Variants in EVC observed in about 807,000 individuals in gnomAD.
The protein encoded by EVC is evC complex member EVC.
EVC carries 116 observed loss-of-function variants against 118.9 expected under a neutral mutation model. That is an observed-to-expected ratio of 0.98 (90% CI 0.84 to 1.14). The LOEUF is 1.14. Among genes scored for constraint, EVC ranks in the 50% most tolerant of loss-of-function variants. The pLI, the probability that EVC is intolerant of heterozygous loss-of-function variation, is 0.00. For synonymous variants in EVC, 619 were observed against 534.7 expected (o/e 1.16, Z -2.18); for missense variants, 1,401 against 1,246.4 (o/e 1.12, Z -1.87).
At chr4:5,734,454 A>G (rs536760999) in intron 5 of EVC, among the ~76,000 whole-genome samples, 2 of 152,250 alleles carry the variant, frequency 1.3e-5, no homozygotes, top group African/African-American at 2.4e-5. Flanking sequence ...AGCCTGGGCA[A>G]CATGGCAAAA....
chr4:5,801,729 A>G (rs1439212530), intron 15 of EVC: 8 of 550,244 alleles, frequency 1.5e-5, no homozygotes, highest in Non-Finnish European at 2.6e-5. Context: ...TTTCCCTAAC[A>G]TCGCATTTCA....
At chr4:5,752,604 T>C in intron 8 of EVC, 1 of 606,184 alleles carries the variant, frequency 1.6e-6, no homozygotes, top group Non-Finnish European at 3.0e-6. Context: ...AGTGCCTACA[T>C]GCTAAGCTGC....
At position 5,749,370 on chromosome 4, in the gene EVC, T is replaced by C. The variant is rs1263267832; in HGVS notation, c.1098+1064T>C. Among the ~76,000 whole-genome samples, 1 of 149,010 alleles carries C rather than the reference T, an allele frequency of 6.7e-6. No homozygotes were observed. Among genetic ancestry groups the C allele is most frequent in the Non-Finnish European group, 1.5e-5 (1 of 67,596 alleles). On this transcript the variant is annotated intron_variant, in intron 8 of 20. Coordinates refer to ENST00000264956, the MANE Select transcript of EVC (RefSeq NM_153717.3). The surrounding 1 kb of genome is among the most constrained non-coding windows in gnomAD (Gnocchi z 4.4). ...AAAAAAAAAAAAAAAAGGTCCCTCC[T>C]TATTTTTGTGAAGCCTGCCAACCAC...
chr4:5,809,819 C>A (rs776950841), intron 19 of EVC, among the ~76,000 whole-genome samples: 4 of 152,168 alleles, frequency 2.6e-5, no homozygotes, highest in Non-Finnish European at 1.5e-5. Context: ...AATTCCAGTT[C>A]TTGGGTCTGG....
At position 5,733,410 on chromosome 4, in the gene EVC, C is replaced by T. The variant is rs201583621; in HGVS notation, c.677C>T (p.Thr226Met). ...LHLKDLLHLD[T>M]ALRQEKHMMF... The stretch of plus-strand genomic sequence containing the variant: ...TTAAAAGACCTGCTGCATTTGGACA[C>T]GGCACTGAGGCAGGAAAAGCATATG... The change falls in exon 5 of 21, where the codon ACG becomes ATG. Residue 226 changes from threonine to methionine, a missense_variant. Coordinates refer to ENST00000264956, the MANE Select transcript of EVC (RefSeq NM_153717.3). 51 of 1,614,002 alleles carry T rather than the reference C, an allele frequency of 3.2e-5. No individual in the cohort carries two copies. The highest frequency in any genetic ancestry group is 1.9e-4 in the South Asian group (17 of 91,070).
Position 5,756,490 on chromosome 4 carries a change from C to T in EVC, c.1563+128C>T. The T allele has an allele frequency of 1.3e-6, 1 of 766,734 alleles. No individual in the cohort carries two copies. The highest frequency in any genetic ancestry group is 2.2e-6 in the Non-Finnish European group (1 of 445,386). 47.5% of individuals were successfully genotyped at this position (766,734 alleles called of 1,614,324 possible). A position where few individuals can be genotyped will look rare whatever the true frequency, so the allele number is the denominator to read the frequency against. The stretch of plus-strand genomic sequence containing the variant: ...AACCCCGCACTCATTGGCCGGTGAT[C>T]CACGCAGGCTGTGTCCCCTCCATGC... On this transcript the variant is annotated intron_variant, in intron 11 of 20. Coordinates refer to ENST00000264956, the MANE Select transcript of EVC (RefSeq NM_153717.3). This position sits in a 1 kb window ranked among gnomAD's most constrained non-coding sequence, Gnocchi z 4.2.
At chr4:5,828,952 G>A in the EVC span, among the ~76,000 whole-genome samples, 1 of 152,124 alleles carries the variant, frequency 6.6e-6, no homozygotes, top group Non-Finnish European at 1.5e-5. Context: ...GTTATGCAAT[G>A]TGGCTGCTTT....
At chr4:5,784,022 G>A (rs574981157) in intron 12 of EVC, among the ~76,000 whole-genome samples, 2 of 152,284 alleles carry the variant, frequency 1.3e-5, no homozygotes, top group Non-Finnish European at 2.9e-5. Context: ...TCTTTAGAAC[G>A]AGAGAAATAA....
chr4:5,782,573 G>T, intron 11 of EVC, among the ~76,000 whole-genome samples: 1 of 142,766 alleles, frequency 7.0e-6, no homozygotes, highest in Non-Finnish European at 1.5e-5. Flanking sequence ...AAAAAGATGT[G>T]AGCGGTGGAT....
At chr4:5,825,384 C>G in the EVC span, 1 of 1,463,948 alleles carries the variant, frequency 6.8e-7, no homozygotes, top group Admixed American at 2.8e-5. This position sits in a 1 kb window ranked among gnomAD's most constrained non-coding sequence, Gnocchi z 4.4. Flanking sequence ...CCCTTCCCTG[C>G]TTCTTCATCT....
At position 5,743,760 on chromosome 4, in the gene EVC, G is replaced by A. The variant is rs916947932; in HGVS notation, c.802-1444G>A. 1.4e-4 allele frequency among the ~76,000 whole-genome samples: 22 copies of A among 152,308 alleles called. No homozygotes were observed. The highest frequency in any genetic ancestry group is 3.4e-3 in the Middle Eastern group (1 of 294). On this transcript the variant is annotated intron_variant, in intron 6 of 20. Coordinates refer to ENST00000264956, the MANE Select transcript of EVC (RefSeq NM_153717.3). This position sits in a 1 kb window ranked among gnomAD's most constrained non-coding sequence, Gnocchi z 4.7. Reference sequence around the variant, plus strand: ...TGGTCATGGTCCTCAGGCAGTGCACGTCGTGCTTGACATACATTATTTCAT... The same window carrying A: ...TGGTCATGGTCCTCAGGCAGTGCACATCGTGCTTGACATACATTATTTCAT...
rs1731266439 is a variant in EVC at position 5,756,903 on chromosome 4, G to C, written c.1563+541G>C. Among the ~76,000 whole-genome samples the C allele has an allele frequency of 6.6e-6, 1 of 152,178 alleles. No homozygotes were observed. ...AGTCACAGGATGCCATGCTGAGCCA[G>C]ACAGAGCCCCTGCCTCAGGCAGCAT... On this transcript the variant is annotated intron_variant, in intron 11 of 20. Transcript: ENST00000264956. This position sits in a 1 kb window ranked among gnomAD's most constrained non-coding sequence, Gnocchi z 4.2.
At chr4:5,727,440 G>A (rs1207133404) in intron 2 of EVC, among the ~76,000 whole-genome samples, 2 of 151,966 alleles carry the variant, frequency 1.3e-5, no homozygotes, top group Admixed American at 1.3e-4. Flanking sequence ...TCTTGTAAAT[G>A]TGTTTGAGTT....
At position 5,729,388 on chromosome 4, in the gene EVC, CG is replaced by C. The variant is rs1379331954; in HGVS notation, c.384+1del. On this transcript the variant is annotated frameshift_variant and splice_region_variant, in exon 3 of 21. Coordinates refer to ENST00000264956, the MANE Select transcript of EVC (RefSeq NM_153717.3). LOFTEE classifies it high-confidence loss of function. ...CATCTACCCCATCAATCAGAAGTTCCGGGTGAGAGTCCTGAGCTCCATCATA... is the reference window on the plus strand; with the variant it reads ...CATCTACCCCATCAATCAGAAGTTCCGGTGAGAGTCCTGAGCTCCATCATA... Reference protein sequence around the residue: ...KVIYPINQKFRPLADGSSNPS... With the variant: ...KVIYPINQKFXPLADGSSNPS... The C allele has an allele frequency of 6.2e-7, 1 of 1,613,952 alleles. No individual in the cohort carries two copies. The highest frequency in any genetic ancestry group is 1.7e-5 in the Admixed American group (1 of 60,006).
At chr4:5,795,669 CAAA>C (rs1334131378) in intron 13 of EVC, among the ~76,000 whole-genome samples, 4 of 152,066 alleles carry the variant, frequency 2.6e-5, no homozygotes, top group Non-Finnish European at 5.9e-5. Flanking sequence ...AATAAACAAA[CAAA>C]GAAGAGGATG....
In EVC at chr4:5,711,400, C is replaced by T; in HGVS notation, c.20C>T (p.Ala7Val). Residue 7 changes from alanine to valine, a missense_variant, in exon 1 of 21, where the codon GCC becomes GTC. Transcript: ENST00000264956. MARGGA[A>V]CKSDARLLLG... ...CCCCGGATGGCCCGCGGCGGGGCGG[C>T]CTGCAAGAGCGACGCGCGGCTGCTG... is the stretch of plus-strand genomic sequence containing the variant. 1 of 1,016,304 alleles carries T rather than the reference C, an allele frequency of 9.8e-7. No homozygotes were observed. The highest frequency in any genetic ancestry group is 1.2e-6 in the Non-Finnish European group (1 of 853,052). 63.0% of individuals were successfully genotyped at this position (1,016,304 alleles called of 1,614,324 possible).
rs887283188 is a variant in EVC at position 5,719,343 on chromosome 4, G to A, written c.270G>A (p.Val90=). Residue 90 remains valine, a synonymous_variant, in exon 2 of 21, where the codon GTG becomes GTA. Transcript: ENST00000264956. The surrounding 1 kb of genome is among the most constrained non-coding windows in gnomAD (Gnocchi z 4.7). ...GSPSRRRKRE[V]QMSKDKEAVD... ...CATCAAGGAGGAGGAAGAGAGAAGT[G>A]CAGATGTCGAAGGACAAGGAAGCTG... 1.2e-6 allele frequency: 2 copies of A among 1,614,224 alleles called. No individual in the cohort carries two copies. The highest frequency in any genetic ancestry group is 1.1e-5 in the South Asian group (1 of 91,080).
chr4:5,759,435 G>T (rs1731670798), intron 11 of EVC, among the ~76,000 whole-genome samples: 1 of 152,174 alleles, frequency 6.6e-6, no homozygotes, highest in South Asian at 2.1e-4. Context: ...AGACATCTGG[G>T]GTTCAAATTC....
Position 5,753,753 on chromosome 4 carries a change from ACCT to A in EVC, c.1316-28_1316-26del. On this transcript the variant is annotated intron_variant, in intron 9 of 20. Transcript: ENST00000264956. ...CACTGAAATTCTGGCTCACAGAGTC[ACCT>A]CCTATGCTGTGGCTTTTTTCAATCC... is the stretch of plus-strand genomic sequence containing the variant. 3.7e-6 allele frequency: 6 copies of A among 1,614,040 alleles called. 1 individual carries two copies. In the Middle Eastern group the frequency reaches 9.9e-4, roughly 266 times the overall value.
Sources: allele counts gnomAD v4.1 joint callset (sites outside exome capture counted in the v4.1 genomes callset), GRCh38; gene constraint gnomAD v4.1.1; non-coding constraint Gnocchi (gnomAD v3.1); transcripts MANE v1.5; gene names NCBI Gene and HGNC (gene_info 2026-07-23, HGNC 2026-07-21).